The following SP9 variants were observed in gnomAD, a reference collection of about 807,000 sequenced individuals.
SP9 encodes the protein transcription factor Sp9.
In SP9, 5 loss-of-function variants were observed where a neutral mutation model predicts 23.0. The observed-to-expected ratio is 0.22, with a 90% CI of 0.11 to 0.46. The LOEUF is 0.46. Ranked by LOEUF, SP9 falls within the 20% of genes least tolerant of loss-of-function variation. The pLI is 0.99. For missense variants in SP9, 542 were observed against 724.0 expected (o/e 0.75, Z 2.88); for synonymous variants, 360 against 356.5 (o/e 1.01, Z -0.11).
In SP9 at chr2:174,335,117, A is replaced by G. The variant is rs1684383902; in HGVS notation, c.21+4A>G. On this transcript the variant is annotated splice_donor_region_variant and intron_variant, in intron 1 of 1. Transcript: ENST00000394967. ...TATGGCCACGTCTATACTCGGGGTA[A>G]GTCGCAAGCGCGGCAACGCATTTGC... 1 of 1,551,774 alleles carries G rather than the reference A, an allele frequency of 6.4e-7. No individual in the cohort carries two copies. The highest frequency in any genetic ancestry group is 8.7e-7 in the Non-Finnish European group (1 of 1,147,002).
chr2:174,336,916 C>A lies in SP9; in HGVS notation c.831C>A (p.Ala277=), dbSNP rs568085573. The A allele has an allele frequency of 6.7e-7, 1 of 1,484,444 alleles. No homozygotes were observed. The highest frequency in any genetic ancestry group is 8.9e-7 in the Non-Finnish European group (1 of 1,125,068). 92.0% of individuals were successfully genotyped at this position (1,484,444 alleles called of 1,614,324 possible). A position where few individuals can be genotyped will look rare whatever the true frequency, so the allele number is the denominator to read the frequency against. ...YSDSSAAVAA[A]AASAMISGAA... is the part of the protein sequence containing the mutation. The stretch of plus-strand genomic sequence containing the variant: ...ACTCCAGCGCCGCCGTGGCAGCCGC[C>A]GCCGCCAGCGCCATGATATCGGGCG... Residue 277 remains alanine, a synonymous_variant, in exon 2 of 2, where the codon GCC becomes GCA. Transcript: ENST00000394967.
At chr2:174,335,790 T>G (rs2105509048) in intron 1 of SP9, 1 of 346,542 alleles carries the variant, frequency 2.9e-6, no homozygotes, top group Non-Finnish European at 5.3e-6. Context: ...TTCTGGGAGA[T>G]GAGCCGGTTT....
At position 174,335,264 on chromosome 2, in the gene SP9, T is replaced by C. The variant is rs1658012050; in HGVS notation, c.21+151T>C. ...CTTTCCACATTTCTGGGACTGATTT[T>C]TCCCCAAGTTTTTGGAACCCAGAAA... On this transcript the variant is annotated intron_variant, in intron 1 of 1. Coordinates refer to ENST00000394967, the MANE Select transcript of SP9 (RefSeq NM_001145250.2). 9.5e-6 allele frequency: 8 copies of C among 842,594 alleles called. No individual in the cohort carries two copies. In the South Asian group the frequency reaches 1.7e-4, roughly 18 times the overall value. 52.2% of individuals were successfully genotyped at this position (842,594 alleles called of 1,614,324 possible).
In SP9 at chr2:174,337,628, A is replaced by G; in HGVS notation, c.*88A>G. The G allele has an allele frequency of 9.5e-7, 1 of 1,050,606 alleles. No individual in the cohort carries two copies. The highest frequency in any genetic ancestry group is 6.7e-5 in the East Asian group (1 of 14,954). The allele number at this position is 1,050,606 out of a possible 1,614,324, so 65.1% of individuals were successfully genotyped here. A position where few individuals can be genotyped will look rare whatever the true frequency, so the allele number is the denominator to read the frequency against. On this transcript the variant is annotated 3_prime_UTR_variant, in exon 2 of 2. Coordinates refer to ENST00000394967, the MANE Select transcript of SP9 (RefSeq NM_001145250.2). ...GGAGGGCGAGCGAGCGGGAGGCGGG[A>G]GGGCAGGGGCTTCAGTGACGCCCCC...
chr2:174,336,913 C>T lies in SP9; in HGVS notation c.828C>T (p.Ala276=), dbSNP rs1414204915. The stretch of plus-strand genomic sequence containing the variant: ...CGGACTCCAGCGCCGCCGTGGCAGC[C>T]GCCGCCGCCAGCGCCATGATATCGG... The part of the protein sequence containing the change: ...SYSDSSAAVA[A]AAASAMISGA... The change falls in exon 2 of 2, where the codon GCC becomes GCT. Residue 276 remains alanine, a synonymous_variant. Transcript: ENST00000394967. The T allele has an allele frequency of 2.7e-6, 4 of 1,482,494 alleles. No individual in the cohort carries two copies. The highest frequency in any genetic ancestry group is 3.6e-6 in the Non-Finnish European group (4 of 1,123,882). 91.8% of individuals were successfully genotyped at this position (1,482,494 alleles called of 1,614,324 possible). A position where few individuals can be genotyped will look rare whatever the true frequency, so the allele number is the denominator to read the frequency against.
In SP9 at chr2:174,336,104, T is replaced by C. The variant is rs1183320153; in HGVS notation, c.22-3T>C. ...GCTCCCTCCCCCATCCCACCCACTCTAGGAAGAGCCGCGCTTCGGAACGAC... is the reference window on the plus strand; with the variant it reads ...GCTCCCTCCCCCATCCCACCCACTCCAGGAAGAGCCGCGCTTCGGAACGAC... On this transcript the variant is annotated splice_region_variant and splice_polypyrimidine_tract_variant and intron_variant, in intron 1 of 1. Transcript: ENST00000394967. The C allele has an allele frequency of 3.9e-6, 6 of 1,530,366 alleles. No individual in the cohort carries two copies. Among genetic ancestry groups the C allele is most frequent in the South Asian group, 3.6e-5 (3 of 83,692 alleles). The allele number at this position is 1,530,366 out of a possible 1,614,324, so 94.8% of individuals were successfully genotyped here.
rs1341440095 is a variant in SP9 at position 174,335,108 on chromosome 2, C to T, written c.16C>T (p.Leu6Phe). 1 of 1,551,676 alleles carries T rather than the reference C, an allele frequency of 6.4e-7. No homozygotes were observed. The highest frequency in any genetic ancestry group is 8.7e-7 in the Non-Finnish European group (1 of 1,147,018). The change falls in exon 1 of 2, where the codon CTC becomes TTC. Residue 6 changes from leucine to phenylalanine, a missense_variant. Leu to Phe is a conservative substitution (Grantham distance 22, BLOSUM62 0). This residue lies in a region of SP9 where 201 missense variants were observed against 226.3 expected (regional missense o/e 0.89). Coordinates refer to ENST00000394967, the MANE Select transcript of SP9 (RefSeq NM_001145250.2). MATSI[L>F]GEEPRFGTTP... is the part of the protein sequence containing the mutation. ...GAGACCTGCTATGGCCACGTCTATA[C>T]TCGGGGTAAGTCGCAAGCGCGGCAA... is the stretch of plus-strand genomic sequence containing the variant.
rs990888298 is a variant in SP9, at chr2:174,335,850, G to A, written c.22-257G>A. The A allele has an allele frequency of 1.2e-5, 6 of 497,120 alleles. No individual in the cohort carries two copies. The African/African-American group carries it at 1.2e-4, about 10-fold the overall frequency. 30.8% of individuals were successfully genotyped at this position (497,120 alleles called of 1,614,324 possible). The stretch of plus-strand genomic sequence containing the variant: ...TAGGCAGGGTTGCAGCGGGGAACAC[G>A]GAGGCATCTTTGATTTATAGCCTCA... On this transcript the variant is annotated intron_variant, in intron 1 of 1. Transcript: ENST00000394967.
In SP9 at chr2:174,336,803, T is replaced by TCCGCCG. The variant is rs894075446; in HGVS notation, c.727_732dup (p.Ala243_Ala244dup). The TCCGCCG allele has an allele frequency of 2.0e-6, 3 of 1,529,084 alleles. No individual in the cohort carries two copies. Among genetic ancestry groups the TCCGCCG allele is most frequent in the African/African-American group, 2.8e-5 (2 of 71,716 alleles). 94.7% of individuals were successfully genotyped at this position (1,529,084 alleles called of 1,614,324 possible). A position where few individuals can be genotyped will look rare whatever the true frequency, so the allele number is the denominator to read the frequency against. On this transcript the variant is annotated inframe_insertion, in exon 2 of 2. Transcript: ENST00000394967. ...CTTCAGCTCCACGGGCCTCGGCTCCTCCGCCGCCGCCGCCTCCCACCTGCT... is the reference window on the plus strand; with the variant it reads ...CTTCAGCTCCACGGGCCTCGGCTCCTCCGCCGCCGCCGCCGCCGCCTCCCACCTGCT...
Position 174,336,243 on chromosome 2 carries a change from C to G in SP9, c.158C>G (p.Ser53Cys). 3 of 1,547,156 alleles carry G rather than the reference C, an allele frequency of 1.9e-6. No homozygotes were observed. Among genetic ancestry groups the G allele is most frequent in the Non-Finnish European group, 2.6e-6 (3 of 1,145,410 alleles). ...GGCGGCTTTCACCCCTGGAAGCGCT[C>G]CTCGTCCAGCTGCAACCTCGGCTCC... The part of the protein sequence containing the change: ...AKGGFHPWKR[S>C]SSSCNLGSSL... The change falls in exon 2 of 2, where the codon TCC (serine) becomes TGC (cysteine). Residue 53 changes from serine (S) to cysteine (C), a missense_variant. This residue lies in a region of SP9 where 201 missense variants were observed against 226.3 expected (regional missense o/e 0.89). Transcript: ENST00000394967.
In SP9 at chr2:174,336,701, T is replaced by C. The variant is rs1046221077; in HGVS notation, c.616T>C (p.Ser206Pro). 8.0e-5 allele frequency: 122 copies of C among 1,522,920 alleles called. No individual in the cohort carries two copies. Among genetic ancestry groups the C allele is most frequent in the Non-Finnish European group, 1.1e-4 (122 of 1,141,406 alleles). The allele number at this position is 1,522,920 out of a possible 1,614,324, so 94.3% of individuals were successfully genotyped here. A position where few individuals can be genotyped will look rare whatever the true frequency, so the allele number is the denominator to read the frequency against. ...PAGGLQSSLH[S>P]GAPQASLHSQ... ...TGGGGGGCTCCAGAGCTCGCTGCAC[T>C]CGGGCGCCCCCCAGGCCTCGCTGCA... Residue 206 changes from serine (S) to proline (P), a missense_variant, in exon 2 of 2, where the codon TCG becomes CCG. By Grantham distance (74) the Ser-to-Pro change is moderately conservative. Transcript: ENST00000394967.
Position 174,336,358 on chromosome 2 carries a change from G to C in SP9, c.273G>C (p.Leu91=). The change falls in exon 2 of 2, where the codon CTG becomes CTC. Residue 91 remains leucine, a synonymous_variant. Transcript: ENST00000394967. The part of the protein sequence containing the change: ...GSGAANSAFC[L]ASTSPTSSAF... ...GCGCCGCCAACAGCGCCTTCTGCCT[G>C]GCCTCCACGTCGCCCACGTCGTCCG... 6.7e-7 allele frequency: 1 copy of C among 1,498,922 alleles called. No homozygotes were observed. Among genetic ancestry groups the C allele is most frequent in the Non-Finnish European group, 8.8e-7 (1 of 1,131,992 alleles). The allele number at this position is 1,498,922 out of a possible 1,614,324, so 92.9% of individuals were successfully genotyped here.
intron 1 of SP9, 115 bp from the exon 2 acceptor site, chr2:174,335,992 G>T (rs1314559128): frequency 2.0e-6 from 2 of 978,618 alleles, no homozygotes; most frequent in South Asian, 3.5e-5. Context: ...GGGGAGCCAG[G>T]ACCCCCCGGG....
chr2:174,336,788 A>G lies in SP9; in HGVS notation c.703A>G (p.Thr235Ala), dbSNP rs1236390743. ...SSLTHSAFSSTGLGSSAAAAS... is the reference protein window; with the variant it reads ...SSLTHSAFSSAGLGSSAAAAS... ...GCTCACGCACTCCGCCTTCAGCTCC[A>G]CGGGCCTCGGCTCCTCCGCCGCCGC... The change falls in exon 2 of 2, where the codon ACG becomes GCG. Residue 235 changes from threonine (T) to alanine (A), a missense_variant. Thr to Ala is a moderately conservative substitution (Grantham distance 58). Transcript: ENST00000394967. 4 of 1,531,092 alleles carry G rather than the reference A, an allele frequency of 2.6e-6. No homozygotes were observed. Among genetic ancestry groups the G allele is most frequent in the Admixed American group, 4.0e-5 (2 of 50,562 alleles). The allele number at this position is 1,531,092 out of a possible 1,614,324, so 94.8% of individuals were successfully genotyped here.
Position 174,337,416 on chromosome 2 carries a change from T to G in SP9, c.1331T>G (p.Ile444Ser). 6.5e-7 allele frequency: 1 copy of G among 1,538,646 alleles called. No individual in the cohort carries two copies. Among genetic ancestry groups the G allele is most frequent in the Non-Finnish European group, 8.8e-7 (1 of 1,141,840 alleles). ...CCCCGTTCCGAATCCCCCGACCTCA[T>G]CCTGCATGACTCCGGCGTCAGTGCC... ...ETPRSESPDL[I>S]LHDSGVSAAR... The change falls in exon 2 of 2, where the codon ATC becomes AGC. Residue 444 changes from isoleucine (I) to serine (S), a missense_variant. By Grantham distance (142) the Ile-to-Ser change is moderately radical. Transcript: ENST00000394967.
rs2105510958 is a variant in SP9 at position 174,338,211 on chromosome 2, T to G, written c.*671T>G. On this transcript the variant is annotated 3_prime_UTR_variant, in exon 2 of 2. Transcript: ENST00000394967. Reference sequence around the variant, plus strand: ...CAGTTTCTCTGTATTTCATAACATCTGTATAAATAGGGTTCAAAAGATTGT... The same window carrying G: ...CAGTTTCTCTGTATTTCATAACATCGGTATAAATAGGGTTCAAAAGATTGT... 1 of 152,360 alleles carries G rather than the reference T, an allele frequency of 6.6e-6. No homozygotes were observed. The highest frequency in any genetic ancestry group is 3.4e-3 in the Middle Eastern group (1 of 294). 9.4% of individuals were successfully genotyped at this position (152,360 alleles called of 1,614,324 possible).
chr2:174,336,088 C>G lies in SP9; in HGVS notation c.22-19C>G. ...TGCCCTCCTCCTTCTTGCTCCCTCCCCCATCCCACCCACTCTAGGAAGAGC... is the reference window on the plus strand; with the variant it reads ...TGCCCTCCTCCTTCTTGCTCCCTCCGCCATCCCACCCACTCTAGGAAGAGC... On this transcript the variant is annotated intron_variant, in intron 1 of 1. Transcript: ENST00000394967. The G allele has an allele frequency of 6.5e-7, 1 of 1,547,146 alleles. No homozygotes were observed. Among genetic ancestry groups the G allele is most frequent in the African/African-American group, 1.4e-5 (1 of 72,308 alleles).
Position 174,336,619 on chromosome 2 carries a change from G to T in SP9, c.534G>T (p.Ser178=). 1 of 1,434,412 alleles carries T rather than the reference G, an allele frequency of 7.0e-7. No homozygotes were observed. Among genetic ancestry groups the T allele is most frequent in the Non-Finnish European group, 9.1e-7 (1 of 1,098,410 alleles). The allele number at this position is 1,434,412 out of a possible 1,614,324, so 88.9% of individuals were successfully genotyped here. ...GCGAGGTGACCAACGGCGCGGCGTC[G>T]TCGTGGTGGGACGTGCACAGCAGCC... The part of the protein sequence containing the change: ...AAGEVTNGAA[S]SWWDVHSSPG... Residue 178 remains serine (S), a synonymous_variant, in exon 2 of 2, where the codon TCG becomes TCT. Coordinates refer to ENST00000394967, the MANE Select transcript of SP9 (RefSeq NM_001145250.2).
intron 1 of SP9, 28 bp downstream of exon 1, chr2:174,335,141 G>T (rs56000618): frequency 0.28 from 436,382 of 1,551,032 alleles, 66,451 homozygotes; most frequent in Non-Finnish European, 0.32. Context: ...CAACGCATTT[G>T]CTTGTTTTAA....
Sources: allele counts gnomAD v4.1 joint callset, GRCh38; gene constraint gnomAD v4.1.1; regional missense constraint gnomAD v4.1.1; transcripts MANE v1.5; gene names NCBI Gene and HGNC (gene_info 2026-07-23, HGNC 2026-07-21).